The following GPM6A variants were observed in gnomAD, a reference collection of about 807,000 sequenced individuals.
GPM6A encodes the protein glycoprotein M6A, also known as neuronal membrane glycoprotein M6-a.
GPM6A carries 7 observed loss-of-function variants against 32.1 expected under a neutral mutation model. The ratio of observed to expected loss-of-function variants is 0.22; its 90% CI spans 0.12 to 0.41. The LOEUF is 0.41. Among genes scored for constraint, GPM6A ranks in the 10% least tolerant of loss-of-function variants. The pLI is 1.00. For synonymous variants in GPM6A, 130 were observed against 123.4 expected (o/e 1.05, Z -0.35); for missense variants, 235 against 347.2 (o/e 0.68, Z 2.57).
chr4:175,987,274 A>G (rs1741003397), intron 1 of GPM6A, among the ~76,000 whole-genome samples: 1 of 152,214 alleles, frequency 6.6e-6, no homozygotes, highest in South Asian at 2.1e-4. Context: ...ACCATCTCTA[A>G]GTGTCTTTTG....
intron 1 of GPM6A, among the ~76,000 whole-genome samples, chr4:175,820,500 CTTTTTTT>C (rs66569311): frequency 2.7e-4 from 30 of 112,116 alleles, no homozygotes; most frequent in African/African-American, 1.0e-3. Context: ...TCTTTTCTTT[CTTTTTTT>C]TTTTTTTTTT....
intron 1 of GPM6A, among the ~76,000 whole-genome samples, chr4:175,721,106 T>C (rs1198849486): frequency 1.4e-5 from 2 of 144,988 alleles, no homozygotes; most frequent in Non-Finnish European, 3.0e-5. Flanking sequence ...TTCTAGTATA[T>C]ATATATATTT....
intron 1 of GPM6A, among the ~76,000 whole-genome samples, chr4:175,975,835 G>C (rs1740640615): frequency 6.6e-6 from 1 of 152,044 alleles, no homozygotes; most frequent in Non-Finnish European, 1.5e-5. Context: ...TCAAGAAAAA[G>C]CACCCAAAAA....
At chr4:175,930,907 CATAA>C (rs1246722731) in intron 1 of GPM6A, among the ~76,000 whole-genome samples, 15 of 152,014 alleles carry the variant, frequency 9.9e-5, no homozygotes, top group African/African-American at 3.6e-4. Context: ...TAAACATGTA[CATAA>C]ATTAATTATC....
At chr4:175,750,340 G>A (rs1201575073) in intron 1 of GPM6A, among the ~76,000 whole-genome samples, 2 of 152,078 alleles carry the variant, frequency 1.3e-5, no homozygotes, top group Admixed American at 6.6e-5. Context: ...TTACAGGTGT[G>A]AGCCACCACA....
intron 1 of GPM6A, among the ~76,000 whole-genome samples, chr4:175,923,393 T>C (rs543862744): frequency 4.9e-4 from 73 of 149,272 alleles, no homozygotes; most frequent in African/African-American, 1.6e-3. Flanking sequence ...CCTGGGAAAG[T>C]AACACACATT....
At chr4:175,830,836 G>A (rs538215854) in intron 1 of GPM6A, among the ~76,000 whole-genome samples, 36 of 149,354 alleles carry the variant, frequency 2.4e-4, no homozygotes, top group Admixed American at 2.1e-3. Context: ...TGATTTGTTC[G>A]TTTATATATC....
intron 1 of GPM6A, among the ~76,000 whole-genome samples, chr4:175,933,026 A>G (rs72704545): frequency 0.18 from 26,691 of 152,000 alleles, 2,885 homozygotes; most frequent in African/African-American, 0.3. Flanking sequence ...CTATAAAAAA[A>G]CACCACACAA....
intron 1 of GPM6A, among the ~76,000 whole-genome samples, chr4:175,890,180 ACT>A (rs1056649801): frequency 9.9e-5 from 15 of 152,192 alleles, no homozygotes; most frequent in African/African-American, 3.4e-4. Context: ...AGGAAAACAA[ACT>A]CTGCAACAAT....
At chr4:175,818,288 C>T (rs1033646285) in intron 1 of GPM6A, among the ~76,000 whole-genome samples, 1 of 152,146 alleles carries the variant, frequency 6.6e-6, no homozygotes, top group Non-Finnish European at 1.5e-5. Flanking sequence ...CTTTTCCTTC[C>T]ACCCTCAGAT....
chr4:175,985,993 A>C (rs984026527), intron 1 of GPM6A, among the ~76,000 whole-genome samples: 1 of 151,996 alleles, frequency 6.6e-6, no homozygotes, highest in Non-Finnish European at 1.5e-5. Context: ...CTTAGTAGAG[A>C]TAGGGTTTCA....
At chr4:175,795,867 G>C (rs1435288588) in intron 1 of GPM6A, 1 of 152,270 alleles carries the variant, frequency 6.6e-6, no homozygotes, top group Non-Finnish European at 1.5e-5. Context: ...AGGCACCATG[G>C]CATGAGGCAG....
chr4:175,776,509 T>A lies in GPM6A; in HGVS notation c.37+35682A>T, dbSNP rs188540983. On this transcript the variant is annotated intron_variant, in intron 1 of 6. Coordinates refer to ENST00000393658, the MANE Select transcript of GPM6A (RefSeq NM_201591.3). ...AAAAAAGTCAGGTGTGCAAGGGATC[T>A]CTGAGCATATTTTAACTTGTTCAGT... Among the ~76,000 whole-genome samples the A allele has an allele frequency of 1.8e-4, 27 of 152,282 alleles. No individual in the cohort carries two copies. The East Asian group carries it at 5.0e-3, about 28-fold the overall frequency.
At chr4:175,831,845 A>C (rs1419782085) in intron 1 of GPM6A, among the ~76,000 whole-genome samples, 1 of 147,266 alleles carries the variant, frequency 6.8e-6, no homozygotes, top group Non-Finnish European at 1.5e-5. Flanking sequence ...CAGCCTCCCG[A>C]GTAGCTGGGA....
intron 1 of GPM6A, among the ~76,000 whole-genome samples, chr4:175,805,251 G>C (rs1734647635): frequency 6.6e-6 from 1 of 152,030 alleles, no homozygotes; most frequent in Admixed American, 6.6e-5. Context: ...ATAAATACAG[G>C]TGTAAAGTTT....
rs867807657 is a variant in GPM6A at position 175,923,176 on chromosome 4, A to G, written c.-23+79133T>C. Among the ~76,000 whole-genome samples, 5 of 150,206 alleles carry G rather than the reference A, an allele frequency of 3.3e-5. No individual in the cohort carries two copies. The Middle Eastern group carries it at 0.011, about 317-fold the overall frequency. On this transcript the variant is annotated intron_variant, in intron 1 of 7. Coordinates refer to the GPM6A transcript ENST00000280187. Reference sequence around the variant, plus strand: ...TAAACAGTTATTACAAACTTTGTCAAAGACAATCTTTATAGTCCCTGACAT... The same window carrying G: ...TAAACAGTTATTACAAACTTTGTCAGAGACAATCTTTATAGTCCCTGACAT...
intron 1 of GPM6A, among the ~76,000 whole-genome samples, chr4:175,718,614 G>GA (rs927868630): frequency 4.0e-5 from 6 of 150,120 alleles, no homozygotes; most frequent in South Asian, 2.1e-4. Context: ...AGACTCTGTC[G>GA]AAAAAAAAAT....
At chr4:175,663,561 C>T (rs369556032) in intron 3 of GPM6A, among the ~76,000 whole-genome samples, 12 of 152,120 alleles carry the variant, frequency 7.9e-5, no homozygotes, top group African/African-American at 2.9e-4. Context: ...TGAGGTAATG[C>T]GTTTATCAAT....
intron 1 of GPM6A, among the ~76,000 whole-genome samples, chr4:175,710,805 T>C (rs909021120): frequency 1.3e-5 from 2 of 152,212 alleles, no homozygotes; most frequent in African/African-American, 4.8e-5. Flanking sequence ...ATTTTTTGCT[T>C]TGTTTAATTT....
Sources: gnomAD v4.1 joint callset for allele counts (sites outside exome capture counted in the v4.1 genomes callset) on GRCh38, gnomAD v4.1.1 for gene constraint, MANE v1.5 for transcripts, NCBI Gene and HGNC (gene_info 2026-07-23, HGNC 2026-07-21) for gene names.